TMEM178B: variants seen among roughly 807,000 people sequenced by gnomAD.
TMEM178B encodes the protein transmembrane protein 178B.
In TMEM178B, 5 loss-of-function variants were observed where a neutral mutation model predicts 31.0. The ratio of observed to expected loss-of-function variants is 0.16; its 90% CI spans 0.08 to 0.34. TMEM178B has a LOEUF of 0.34. Among genes scored for constraint, TMEM178B ranks in the 10% least tolerant of loss-of-function variants. TMEM178B has a pLI of 1.00. For synonymous variants in TMEM178B, 164 were observed against 164.0 expected (o/e 1.00, Z 0.00); for missense variants, 275 against 400.3 (o/e 0.69, Z 2.67).
At chr7:141,496,553 C>T in the TMEM178B span, among the ~76,000 whole-genome samples, 1 of 141,438 alleles carries the variant, frequency 7.1e-6, no homozygotes, top group African/African-American at 3.1e-5. Context: ...GCCTGTAGTC[C>T]CAGCTACTTG....
chr7:141,280,170 C>G (rs1263187081), intron 2 of TMEM178B, among the ~76,000 whole-genome samples: 1 of 152,144 alleles, frequency 6.6e-6, no homozygotes, highest in Non-Finnish European at 1.5e-5. Flanking sequence ...ATGGTGGACT[C>G]CCTGCTGGCT....
intron 1 of TMEM178B, among the ~76,000 whole-genome samples, chr7:141,089,740 C>A (rs971706287): frequency 1.3e-5 from 2 of 152,092 alleles, no homozygotes; most frequent in African/African-American, 4.8e-5. Flanking sequence ...AACCATCATT[C>A]TGAGCAAACT....
At chr7:141,324,481 A>T (rs1389514276) in intron 2 of TMEM178B, among the ~76,000 whole-genome samples, 1 of 120,642 alleles carries the variant, frequency 8.3e-6, no homozygotes, top group Non-Finnish European at 1.6e-5. Context: ...TGCAGCTGCC[A>T]TTAACTGAGA....
chr7:141,133,094 A>T (rs1406405922), intron 1 of TMEM178B, among the ~76,000 whole-genome samples: 2 of 152,200 alleles, frequency 1.3e-5, no homozygotes, highest in East Asian at 3.8e-4. Context: ...GTCTTTCCCT[A>T]TGAAAGCCAA....
chr7:141,459,237 C>T (rs1387051666), intron 3 of TMEM178B, among the ~76,000 whole-genome samples: 1 of 152,206 alleles, frequency 6.6e-6, no homozygotes, highest in African/African-American at 2.4e-5. Context: ...TCATGTTGGT[C>T]AGGCTGGTCT....
rs1388237143 is a variant in TMEM178B, at chr7:141,476,765, T to C, written c.*5979T>C. On this transcript the variant is annotated 3_prime_UTR_variant, in exon 4 of 4. Transcript: ENST00000565468. ...CAAAGGGTCCGCACACTTTCTGCTT[T>C]GCAGCGGATCAAGTGTCCTTGTGAG... 1 of 153,252 alleles carries C rather than the reference T, an allele frequency of 6.5e-6. No individual in the cohort carries two copies. Among genetic ancestry groups the C allele is most frequent in the Non-Finnish European group, 1.5e-5 (1 of 68,200 alleles). The allele number at this position is 153,252 out of a possible 1,614,324, so 9.5% of individuals were successfully genotyped here.
At chr7:141,348,513 A>G (rs1799657651) in intron 2 of TMEM178B, among the ~76,000 whole-genome samples, 1 of 152,184 alleles carries the variant, frequency 6.6e-6, no homozygotes, top group Admixed American at 6.5e-5. Flanking sequence ...CATCTTGGCA[A>G]TTGTAATTTA....
At chr7:141,141,667 T>G (rs1262971698) in intron 1 of TMEM178B, among the ~76,000 whole-genome samples, 1 of 152,198 alleles carries the variant, frequency 6.6e-6, no homozygotes, top group South Asian at 2.1e-4. Context: ...AAGAAATGAA[T>G]GAAACCTGGC....
chr7:141,252,470 C>CTT (rs1460252890), intron 2 of TMEM178B, among the ~76,000 whole-genome samples: 90 of 152,270 alleles, frequency 5.9e-4, no homozygotes, highest in African/African-American at 2.1e-3. Context: ...GGGAAACTGG[C>CTT]CACGATGTAG....
In TMEM178B at chr7:141,147,490, C is replaced by T. The variant is rs541219419; in HGVS notation, c.383-65101C>T. Among the ~76,000 whole-genome samples the T allele has an allele frequency of 3.9e-5, 6 of 152,142 alleles. No homozygotes were observed. The South Asian group carries it at 6.2e-4, about 16-fold the overall frequency. On this transcript the variant is annotated intron_variant, in intron 1 of 3. Coordinates refer to ENST00000565468, the MANE Select transcript of TMEM178B (RefSeq NM_001195278.2). ...AAAAATGCCACATGGAGGATGGACT[C>T]CAGGAGTTCAAGGATGGAGGCTGGT...
At chr7:141,292,544 T>A (rs1220203765) in intron 2 of TMEM178B, among the ~76,000 whole-genome samples, 14 of 151,996 alleles carry the variant, frequency 9.2e-5, no homozygotes. Flanking sequence ...GCCCATGTTC[T>A]CGCATCACTA....
chr7:141,353,876 A>G (rs1259587027), intron 2 of TMEM178B, among the ~76,000 whole-genome samples: 2 of 152,378 alleles, frequency 1.3e-5, no homozygotes, highest in East Asian at 1.9e-4. Flanking sequence ...CAGGCAGCAA[A>G]GTATCCTCTA....
chr7:141,095,942 T>C (rs1184660624), intron 1 of TMEM178B, among the ~76,000 whole-genome samples: 2 of 152,216 alleles, frequency 1.3e-5, no homozygotes, highest in African/African-American at 4.8e-5. Context: ...CATCACCTGG[T>C]ATCCATAGGA....
At chr7:141,313,128 A>G (rs1208102005) in intron 2 of TMEM178B, among the ~76,000 whole-genome samples, 2 of 152,148 alleles carry the variant, frequency 1.3e-5, no homozygotes, top group Non-Finnish European at 2.9e-5. Flanking sequence ...TAAAAACTCT[A>G]TTTGGAGGGA....
At chr7:141,460,310 T>A (rs1802038814) in intron 3 of TMEM178B, among the ~76,000 whole-genome samples, 1 of 152,250 alleles carries the variant, frequency 6.6e-6, no homozygotes, top group Admixed American at 6.5e-5. Context: ...AGGCCGTCCC[T>A]CTGCGTGTGC....
chr7:141,228,912 C>A (rs1222499686), intron 2 of TMEM178B, among the ~76,000 whole-genome samples: 1 of 151,888 alleles, frequency 6.6e-6, no homozygotes, highest in Non-Finnish European at 1.5e-5. Flanking sequence ...AGACGGGGCA[C>A]CCCTTTTAGA....
At chr7:141,436,280 A>G (rs2116679075) in intron 2 of TMEM178B, among the ~76,000 whole-genome samples, 1 of 152,258 alleles carries the variant, frequency 6.6e-6, no homozygotes, top group East Asian at 1.9e-4. Flanking sequence ...GGGTTGAGAA[A>G]AGATTGTCCA....
At chr7:141,079,436 C>T (rs1794649427) in intron 1 of TMEM178B, among the ~76,000 whole-genome samples, 1 of 152,154 alleles carries the variant, frequency 6.6e-6, no homozygotes, top group African/African-American at 2.4e-5. Context: ...TGGACAGCGC[C>T]ACGCAGAGCC....
At chr7:141,300,084 C>T (rs1586879074) in intron 2 of TMEM178B, among the ~76,000 whole-genome samples, 1 of 152,134 alleles carries the variant, frequency 6.6e-6, no homozygotes, top group East Asian at 1.9e-4. Flanking sequence ...ATACCTGGCC[C>T]CGCTTGTTTG....
Sources: allele counts gnomAD v4.1 joint callset (sites outside exome capture counted in the v4.1 genomes callset), GRCh38; gene constraint gnomAD v4.1.1; transcripts MANE v1.5; gene names NCBI Gene and HGNC (gene_info 2026-07-23, HGNC 2026-07-21).